Variants in CENPN observed in about 807,000 individuals in gnomAD.
CENPN encodes the protein centromere protein N.
A neutral mutation model predicts 48.6 loss-of-function variants in CENPN; 36 were observed. The ratio of observed to expected loss-of-function variants is 0.74; its 90% confidence interval spans 0.57 to 0.98. CENPN has a LOEUF of 0.98. Ranked by LOEUF, CENPN falls within the 50% of genes least tolerant of loss-of-function variation. The pLI, the probability that CENPN is intolerant of heterozygous loss-of-function variation, is 0.00. For missense variants in CENPN, 439 were observed against 399.2 expected (o/e 1.10, Z -0.85); for synonymous variants, 166 against 135.2 (o/e 1.23, Z -1.58).
chr16:81,026,067 ATATGTG>A (rs1170240136), intron 8 of CENPN, among the ~76,000 whole-genome samples: 2 of 135,850 alleles, frequency 1.5e-5, no homozygotes, highest in Admixed American at 7.8e-5. Context: ...ATATATATAT[ATATGTG>A]TGTGTGTGTG....
chr16:81,020,119 A>C lies in CENPN; in HGVS notation c.374A>C (p.Glu125Ala). ...ALKNVTVSFR[E>A]TEENAVWIRI... ...AATAAGGTGACAGTCAGCTTCAGAG[A>C]AACTGAGGAGAATGCAGTCTGGATT... is the stretch of plus-strand genomic sequence containing the variant. Residue 125 changes from glutamate to alanine, a missense_variant, in exon 6 of 11, where the codon GAA becomes GCA. Physicochemically the swap from Glu to Ala is moderately radical, Grantham distance 107. Transcript: ENST00000305850. 5.6e-6 allele frequency: 9 copies of C among 1,609,248 alleles called. No individual in the cohort carries two copies. The highest frequency in any genetic ancestry group is 7.6e-6 in the Non-Finnish European group (9 of 1,178,700).
chr16:81,015,173 C>T (rs906562516), intron 3 of CENPN, among the ~76,000 whole-genome samples: 8 of 152,282 alleles, frequency 5.3e-5, no homozygotes, highest in African/African-American at 1.9e-4. Flanking sequence ...TAGCTTCTCA[C>T]CTCTCCTCCC....
In CENPN at chr16:81,016,009, A is replaced by AG. The variant is rs1367299318; in HGVS notation, c.218-1317_218-1316insG. 7.2e-5 allele frequency among the ~76,000 whole-genome samples: 11 copies of AG among 151,872 alleles called. No individual in the cohort carries two copies. The East Asian group carries it at 1.9e-3, about 27-fold the overall frequency. Reference sequence around the variant, plus strand: ...ACACCGTGAGACTCTGTCTCAAAAAAAAAAAGGAAAAAGAAAAGAAAACCT... The same window carrying AG: ...ACACCGTGAGACTCTGTCTCAAAAAAGAAAAAGGAAAAAGAAAAGAAAACCT... On this transcript the variant is annotated intron_variant, in intron 3 of 10. Transcript: ENST00000305850.
intron 9 of CENPN, among the ~76,000 whole-genome samples, chr16:81,027,515 CA>C (rs956657604): frequency 6.6e-6 from 1 of 151,524 alleles, no homozygotes; most frequent in Non-Finnish European, 1.5e-5. Context: ...CAGTGTGACT[CA>C]AAAAAAATGT....
chr16:81,032,510 G>T, downstream of CENPN: 1 of 1,499,326 alleles, frequency 6.7e-7, no homozygotes, highest in South Asian at 1.3e-5. Context: ...AAACTTGTAT[G>T]TCTTTTCTCC....
At chr16:81,018,320 C>T (rs1308039053) in intron 5 of CENPN, among the ~76,000 whole-genome samples, 4 of 151,948 alleles carry the variant, frequency 2.6e-5, no homozygotes, top group Non-Finnish European at 4.4e-5. Flanking sequence ...ACTACAAGCA[C>T]GCACCACCAT....
chr16:81,017,878 C>A (rs778522610), intron 5 of CENPN, 44 bp downstream of exon 5: 1 of 1,150,426 alleles, frequency 8.7e-7, no homozygotes, highest in Admixed American at 2.4e-5. Context: ...AATGTCATGA[C>A]GTCTGTGCAC....
downstream of CENPN, chr16:81,032,791 T>G (rs1201817131): frequency 1.2e-5 from 16 of 1,288,750 alleles, no homozygotes; most frequent in South Asian, 5.8e-5. Context: ...GCAGGCCTCC[T>G]TGTTAAAATG....
chr16:81,032,362 T>C (rs1383715470), downstream of CENPN, among the ~76,000 whole-genome samples: 2 of 152,198 alleles, frequency 1.3e-5, no homozygotes, highest in Non-Finnish European at 2.9e-5. Flanking sequence ...TATAATAATT[T>C]ACTGCTCCTC....
intron 7 of CENPN, 173 bp downstream of exon 7, chr16:81,022,871 G>A (rs1230468657): frequency 6.2e-7 from 1 of 1,610,332 alleles, no homozygotes; most frequent in Non-Finnish European, 8.5e-7. Flanking sequence ...ATTCCTCACA[G>A]TCATCTTTTT....
chr16:81,026,706 TG>T, intron 9 of CENPN, 68 bp downstream of exon 9: 1 of 715,770 alleles, frequency 1.4e-6, no homozygotes, highest in Non-Finnish European at 2.3e-6. Flanking sequence ...AAACCTTAAG[TG>T]GAAAACAGAT....
rs545516824 is a variant in CENPN at position 81,017,723 on chromosome 16, CTTGA to C, written c.278-32_278-29del. 403 of 1,464,518 alleles carry C rather than the reference CTTGA, an allele frequency of 2.8e-4. 4 individuals are homozygous for C. The East Asian group carries it at 8.9e-3, about 32-fold the overall frequency. The allele number at this position is 1,464,518 out of a possible 1,614,324, so 90.7% of individuals were successfully genotyped here. ...TATTTACTGAAGACATTGTAGCTCC[CTTGA>C]TTTTTCTTTATTTTTTTTTCACTTT... is the stretch of plus-strand genomic sequence containing the variant. On this transcript the variant is annotated intron_variant, in intron 4 of 10. Coordinates refer to ENST00000305850, the MANE Select transcript of CENPN (RefSeq NM_001100624.3).
intron 6 of CENPN, among the ~76,000 whole-genome samples, chr16:81,021,730 G>C (rs1473963820): frequency 6.6e-6 from 1 of 151,526 alleles, no homozygotes; most frequent in Non-Finnish European, 1.5e-5. Flanking sequence ...GCCACAGGTA[G>C]TTTAAACATT....
chr16:81,030,496 C>G lies in CENPN; in HGVS notation c.*1845C>G. 1 of 754,052 alleles carries G rather than the reference C, an allele frequency of 1.3e-6. No homozygotes were observed. The highest frequency in any genetic ancestry group is 1.6e-6 in the Non-Finnish European group (1 of 618,784). 46.7% of individuals were successfully genotyped at this position (754,052 alleles called of 1,614,324 possible). A position where few individuals can be genotyped will look rare whatever the true frequency, so the allele number is the denominator to read the frequency against. On this transcript the variant is annotated 3_prime_UTR_variant, in exon 11 of 11. Transcript: ENST00000305850. The stretch of plus-strand genomic sequence containing the variant: ...GGGTGTAGTGGCTCACGCCTGTAAT[C>G]CTAGCACTTTGGGAAGCCGAGGTGG...
At chr16:81,019,521 T>C (rs1296454150) in intron 5 of CENPN, among the ~76,000 whole-genome samples, 2 of 152,088 alleles carry the variant, frequency 1.3e-5, no homozygotes, top group African/African-American at 4.8e-5. Context: ...CCCAGCCTAA[T>C]TACATAGAAA....
chr16:81,022,906 C>T, intron 7 of CENPN: 1 of 1,590,846 alleles, frequency 6.3e-7, no homozygotes, highest in Non-Finnish European at 8.6e-7. Context: ...TTTTATACCA[C>T]TCATTAGTCA....
Position 81,022,416 on chromosome 16 carries a change from A to G in CENPN, c.532-181A>G, listed in dbSNP as rs1970257255. On this transcript the variant is annotated intron_variant, in intron 6 of 10. Coordinates refer to ENST00000305850, the MANE Select transcript of CENPN (RefSeq NM_001100624.3). ...AAAAGACTGCATTTATCAGAGTATT[A>G]ATGCCATTAACCACTTTGTTTTTGA... The G allele has an allele frequency of 5.1e-6, 3 of 583,356 alleles. No homozygotes were observed. In the East Asian group the frequency reaches 8.6e-5, roughly 17 times the overall value. The allele number at this position is 583,356 out of a possible 1,614,324, so 36.1% of individuals were successfully genotyped here.
intron 8 of CENPN, among the ~76,000 whole-genome samples, chr16:81,026,293 G>A (rs1039588899): frequency 6.6e-6 from 1 of 151,308 alleles, no homozygotes; most frequent in East Asian, 1.9e-4. Context: ...AATGCTAACA[G>A]TGCTTATCTC....
chr16:81,017,792 T>TA lies in CENPN; in HGVS notation c.317dup (p.Asn106LysfsTer22). On this transcript the variant is annotated frameshift_variant, in exon 5 of 11. Coordinates refer to ENST00000305850, the MANE Select transcript of CENPN (RefSeq NM_001100624.3). LOFTEE classifies it high-confidence loss of function. ...TTGACCTTTTTGATATGAAACAATTTAAAAATTCGTTCAAGAAAATTCTTC... is the reference window on the plus strand; with the variant it reads ...TTGACCTTTTTGATATGAAACAATTTAAAAAATTCGTTCAAGAAAATTCTTC... The TA allele has an allele frequency of 6.3e-7, 1 of 1,586,098 alleles. No homozygotes were observed. Among genetic ancestry groups the TA allele is most frequent in the Non-Finnish European group, 8.6e-7 (1 of 1,169,348 alleles).
Sources: gnomAD v4.1 joint callset for allele counts (sites outside exome capture counted in the v4.1 genomes callset) on GRCh38, gnomAD v4.1.1 for gene constraint, MANE v1.5 for transcripts, NCBI Gene and HGNC (gene_info 2026-07-23, HGNC 2026-07-21) for gene names.